PARD3B: variants seen among roughly 807,000 people sequenced by gnomAD.
The protein encoded by PARD3B is par-3 family cell polarity regulator beta, also known as partitioning defective 3 homolog B.
PARD3B carries 103 observed loss-of-function variants against 130.2 expected under a neutral mutation model. The ratio of observed to expected loss-of-function variants is 0.79; its 90% CI spans 0.67 to 0.93. The LOEUF (loss-of-function observed/expected upper bound fraction) is 0.93. Ranked by LOEUF, PARD3B falls within the 40% of genes least tolerant of loss-of-function variation. The pLI is 0.00. For synonymous variants in PARD3B, 583 were observed against 553.2 expected, an observed-to-expected ratio of 1.05 and a Z score of -0.76; for missense variants, 1,609 against 1,499.2, an observed-to-expected ratio of 1.07 and a Z score of -1.21.
At chr2:204,804,439 G>T (rs1347790901) in intron 2 of PARD3B, among the ~76,000 whole-genome samples, 1 of 152,156 alleles carries the variant, frequency 6.6e-6, no homozygotes, top group Non-Finnish European at 1.5e-5. Flanking sequence ...AATTCAGCAA[G>T]AGGATATCAC....
At chr2:205,433,881 A>G (rs1193713490) in intron 19 of PARD3B, among the ~76,000 whole-genome samples, 1 of 152,194 alleles carries the variant, frequency 6.6e-6, no homozygotes, top group Non-Finnish European at 1.5e-5. Flanking sequence ...TGCATAAACC[A>G]TAGTTTGATT....
chr2:204,853,339 G>C lies in PARD3B; in HGVS notation c.223-111813G>C, dbSNP rs1438721648. Among the ~76,000 whole-genome samples the C allele has an allele frequency of 2.0e-5, 3 of 152,152 alleles. No individual in the cohort carries two copies. In the East Asian group the frequency reaches 5.8e-4, roughly 29 times the overall value. On this transcript the variant is annotated intron_variant, in intron 2 of 22. Coordinates refer to ENST00000406610, the MANE Select transcript of PARD3B (RefSeq NM_001302769.2). ...GGGAGTCAAGGAAGTCGTCTTGGTG[G>C]ATGTCCCACTTGGGCTGAATTTTGA...
At chr2:204,707,696 A>G (rs941710638) in intron 2 of PARD3B, among the ~76,000 whole-genome samples, 1 of 152,186 alleles carries the variant, frequency 6.6e-6, no homozygotes, top group African/African-American at 2.4e-5. Flanking sequence ...TGTTGTGGAA[A>G]TTCTGTATAT....
At chr2:205,139,764 G>A (rs942160773) in intron 10 of PARD3B, among the ~76,000 whole-genome samples, 1 of 152,052 alleles carries the variant, frequency 6.6e-6, no homozygotes, top group African/African-American at 2.4e-5. Flanking sequence ...TTTCATGGTG[G>A]TTAAGTTAAT....
At chr2:204,621,203 CTG>C (rs1440844869) in intron 1 of PARD3B, among the ~76,000 whole-genome samples, 1 of 152,024 alleles carries the variant, frequency 6.6e-6, no homozygotes, top group Admixed American at 6.6e-5. Flanking sequence ...GCTAAAAAAA[CTG>C]AAAGCTGTAG....
chr2:205,324,940 A>G (rs1199873081), intron 18 of PARD3B, among the ~76,000 whole-genome samples: 1 of 152,182 alleles, frequency 6.6e-6, no homozygotes, highest in Non-Finnish European at 1.5e-5. Flanking sequence ...CAATAAATCA[A>G]GAGGATGCTG....
At chr2:204,700,505 A>C (rs1014673330) in intron 2 of PARD3B, among the ~76,000 whole-genome samples, 1 of 152,144 alleles carries the variant, frequency 6.6e-6, no homozygotes, top group African/African-American at 2.4e-5. Flanking sequence ...CTCTGGATTG[A>C]ATTTTTGACA....
chr2:205,321,279 A>G lies in PARD3B; in HGVS notation c.2630+19578A>G, dbSNP rs945983775. Among the ~76,000 whole-genome samples, 1 of 152,104 alleles carries G rather than the reference A, an allele frequency of 6.6e-6. No individual in the cohort carries two copies. Among genetic ancestry groups the G allele is most frequent in the Non-Finnish European group, 1.5e-5 (1 of 67,984 alleles). ...AGTATATTCTTTGATTCATTTTCTT[A>G]TTTATGTCTTTTTAACCTCAAAACT... On this transcript the variant is annotated intron_variant, in intron 18 of 22. Coordinates refer to ENST00000406610, the MANE Select transcript of PARD3B (RefSeq NM_001302769.2). This position sits in a 1 kb window ranked among gnomAD's most constrained non-coding sequence, Gnocchi z 4.2.
intron 3 of PARD3B, among the ~76,000 whole-genome samples, chr2:204,969,195 T>C (rs962827762): frequency 1.3e-5 from 2 of 152,238 alleles, no homozygotes; most frequent in Admixed American, 1.3e-4. Context: ...AAATTTATAG[T>C]TCGAGAATTT....
At chr2:205,097,315 G>A (rs1008972712) in intron 4 of PARD3B, among the ~76,000 whole-genome samples, 4 of 152,092 alleles carry the variant, frequency 2.6e-5, no homozygotes, top group African/African-American at 9.7e-5. Flanking sequence ...ATTTATTGTG[G>A]TGCACAGAAA....
intron 2 of PARD3B, among the ~76,000 whole-genome samples, chr2:204,755,960 A>G (rs2040651824): frequency 6.6e-6 from 1 of 152,144 alleles, no homozygotes; most frequent in African/African-American, 2.4e-5. Flanking sequence ...GGGCAAGAGT[A>G]GCATTGCTAT....
chr2:205,392,640 G>T (rs189080074), intron 18 of PARD3B, among the ~76,000 whole-genome samples: 1 of 152,104 alleles, frequency 6.6e-6, no homozygotes, highest in African/African-American at 2.4e-5. Flanking sequence ...TTTGTCGTTC[G>T]TTATTAAAGC....
intron 2 of PARD3B, among the ~76,000 whole-genome samples, chr2:204,859,425 A>G (rs2045095037): frequency 6.6e-6 from 1 of 152,210 alleles, no homozygotes; most frequent in African/African-American, 2.4e-5. Flanking sequence ...AGAAATGTGG[A>G]GGTTAATACA....
chr2:205,473,824 A>C lies in PARD3B; in HGVS notation c.3045-26072A>C, dbSNP rs2048934920. Among the ~76,000 whole-genome samples, 1 of 150,024 alleles carries C rather than the reference A, an allele frequency of 6.7e-6. No individual in the cohort carries two copies. The highest frequency in any genetic ancestry group is 1.5e-5 in the Non-Finnish European group (1 of 67,522). ...AACCTGTTGTCTTACGAAAGGGGAG[A>C]TATTCTTTTCTTTGTTACGTTTAAA... On this transcript the variant is annotated intron_variant, in intron 20 of 22. Coordinates refer to ENST00000406610, the MANE Select transcript of PARD3B (RefSeq NM_001302769.2). The surrounding 1 kb of genome is among the most constrained non-coding windows in gnomAD (Gnocchi z 4.9).
rs1456470378 is a variant in PARD3B, at chr2:205,568,790, C to T, written c.3260+15387C>T. ...CCACAGTCTCACCTTAGCCTCAGGCCTTCATGCTAAGACACTAGCGCTGTA... is the reference window on the plus strand; with the variant it reads ...CCACAGTCTCACCTTAGCCTCAGGCTTTCATGCTAAGACACTAGCGCTGTA... On this transcript the variant is annotated intron_variant, in intron 22 of 22. Coordinates refer to ENST00000406610, the MANE Select transcript of PARD3B (RefSeq NM_001302769.2). The surrounding 1 kb of genome is among the most constrained non-coding windows in gnomAD (Gnocchi z 5.3). Among the ~76,000 whole-genome samples, 1 of 152,174 alleles carries T rather than the reference C, an allele frequency of 6.6e-6. No homozygotes were observed. Among genetic ancestry groups the T allele is most frequent in the Non-Finnish European group, 1.5e-5 (1 of 68,046 alleles).
At chr2:204,722,476 C>T (rs572452086) in intron 2 of PARD3B, among the ~76,000 whole-genome samples, 1 of 152,304 alleles carries the variant, frequency 6.6e-6, no homozygotes, top group East Asian at 1.9e-4. Flanking sequence ...CCCTGAAATG[C>T]TTCTCGGAAT....
intron 2 of PARD3B, among the ~76,000 whole-genome samples, chr2:204,738,806 T>C (rs762095792): frequency 1.1e-4 from 16 of 152,222 alleles, no homozygotes; most frequent in Non-Finnish European, 1.5e-4. Context: ...TGATTTTTTT[T>C]CTTCCCTAAC....
At chr2:204,992,513 A>G (rs1321126052) in intron 3 of PARD3B, among the ~76,000 whole-genome samples, 2 of 148,022 alleles carry the variant, frequency 1.4e-5, no homozygotes, top group Non-Finnish European at 3.0e-5. Flanking sequence ...AAGTAGTGTG[A>G]TGCCTCCAGC....
intron 16 of PARD3B, among the ~76,000 whole-genome samples, chr2:205,256,369 G>T (rs2040084197): frequency 6.6e-6 from 1 of 152,004 alleles, no homozygotes; most frequent in African/African-American, 2.4e-5. Context: ...CAGGCTCTTT[G>T]CCAACTGCTA....
Sources: gnomAD v4.1 joint callset for allele counts (sites outside exome capture counted in the v4.1 genomes callset) on GRCh38, gnomAD v4.1.1 for gene constraint, Gnocchi (gnomAD v3.1) non-coding constraint, MANE v1.5 for transcripts, NCBI Gene and HGNC (gene_info 2026-07-23, HGNC 2026-07-21) for gene names.